Variants in PRKCA observed in about 807,000 individuals in gnomAD.
The protein encoded by PRKCA is protein kinase C alpha type.
In PRKCA, 27 loss-of-function variants were observed where a neutral mutation model predicts 87.0. That is an observed-to-expected ratio of 0.31 (90% CI 0.23 to 0.43). The LOEUF (loss-of-function observed/expected upper bound fraction) is 0.43, where lower values mean the gene tolerates loss of function less well. Ranked by LOEUF, PRKCA falls within the 20% of genes least tolerant of loss-of-function variation. The pLI, the probability that PRKCA is intolerant of heterozygous loss-of-function variation, is 1.00. For missense variants in PRKCA, 518 were observed against 852.3 expected (o/e 0.61, Z 4.88); for synonymous variants, 329 against 311.1 (o/e 1.06, Z -0.61).
intron 2 of PRKCA, among the ~76,000 whole-genome samples, chr17:66,469,538 A>G (rs1915234337): frequency 6.6e-6 from 1 of 152,216 alleles, no homozygotes; most frequent in Non-Finnish European, 1.5e-5. Context: ...TGAGCAATTC[A>G]TTACTATTCT....
At chr17:66,778,067 C>G (rs1179861366) in intron 14 of PRKCA, 2 of 985,296 alleles carry the variant, frequency 2.0e-6, no homozygotes, top group African/African-American at 3.5e-5. Context: ...TTAAAGGTTT[C>G]CCTACTAAGC....
intron 2 of PRKCA, among the ~76,000 whole-genome samples, chr17:66,403,241 C>T (rs975821758): frequency 4.2e-4 from 64 of 152,128 alleles, no homozygotes; most frequent in African/African-American, 1.5e-3. Flanking sequence ...GTTTTAAAAG[C>T]TAAGAAGCTC....
rs182047548 is a variant in PRKCA, at chr17:66,451,347, T to A, written c.206-44854T>A. On this transcript the variant is annotated intron_variant, in intron 2 of 16. Transcript: ENST00000413366. ...ACTTTTAGAATACGGAGTTAGAATT[T>A]ATTTATTTATTTATTTATTTATTTA... Among the ~76,000 whole-genome samples the A allele has an allele frequency of 9.9e-3, 759 of 76,360 alleles. 6 individuals carry two copies. The highest frequency in any genetic ancestry group is 0.031 in the African/African-American group (616 of 19,724). The allele number at this position is 76,360 out of a possible 152,430, so 50.1% of individuals were successfully genotyped here. A position where few individuals can be genotyped will look rare whatever the true frequency, so the allele number is the denominator to read the frequency against.
chr17:66,514,118 C>T (rs1304401850), intron 3 of PRKCA, among the ~76,000 whole-genome samples: 3 of 152,086 alleles, frequency 2.0e-5, no homozygotes, highest in Non-Finnish European at 4.4e-5. Context: ...TGTTATTAAT[C>T]TCTTACTGTG....
chr17:66,485,408 C>T (rs1375691337), intron 2 of PRKCA, among the ~76,000 whole-genome samples: 1 of 152,180 alleles, frequency 6.6e-6, no homozygotes, highest in African/African-American at 2.4e-5. Context: ...TGCCAAGAAG[C>T]AGGACTGTCC....
intron 16 of PRKCA, among the ~76,000 whole-genome samples, chr17:66,790,633 G>A (rs533698167): frequency 3.3e-5 from 5 of 152,276 alleles, no homozygotes; most frequent in African/African-American, 7.2e-5. Context: ...TAGGAACAAC[G>A]TAGAGATGCG....
intron 5 of PRKCA, chr17:66,676,414 C>T (rs2143976092): frequency 6.6e-6 from 1 of 152,460 alleles, no homozygotes; most frequent in Admixed American, 6.5e-5. Flanking sequence ...TGGAAAAACG[C>T]AGCTAGAATA....
intron 3 of PRKCA, among the ~76,000 whole-genome samples, chr17:66,634,919 A>G (rs958066481): frequency 6.6e-6 from 1 of 152,220 alleles, no homozygotes; most frequent in Non-Finnish European, 1.5e-5. Context: ...AAGGGGAGGT[A>G]GACAGAATCA....
intron 3 of PRKCA, among the ~76,000 whole-genome samples, chr17:66,580,773 C>T (rs1969403013): frequency 6.6e-6 from 1 of 152,192 alleles, no homozygotes; most frequent in Non-Finnish European, 1.5e-5. Context: ...CCACCCTGCG[C>T]CCTTCTTGCT....
intron 3 of PRKCA, among the ~76,000 whole-genome samples, chr17:66,578,876 ATC>A (rs547528712): frequency 1.2e-3 from 182 of 152,236 alleles, no homozygotes; most frequent in African/African-American, 4.1e-3. Context: ...GCCGACACTC[ATC>A]TGTTTCGACC....
chr17:66,534,470 AT>A (rs1967693978), intron 3 of PRKCA, among the ~76,000 whole-genome samples: 1 of 152,166 alleles, frequency 6.6e-6, no homozygotes, highest in African/African-American at 2.4e-5. Context: ...GATCAAGACC[AT>A]CCTGGCTAAC....
At chr17:66,370,324 CG>C (rs1335861746) in intron 2 of PRKCA, among the ~76,000 whole-genome samples, 1 of 149,428 alleles carries the variant, frequency 6.7e-6, no homozygotes, top group Non-Finnish European at 1.5e-5. Context: ...CTCTGCCTCC[CG>C]GGTTCAAGCA....
At position 66,782,654 on chromosome 17, in the gene PRKCA, A is replaced by C. The variant is rs537064471; in HGVS notation, c.1606-4213A>C. ...CTGCCCCACCCCCTTCATTTTCAGA[A>C]CTCATCACTGCATATTGTGCAGGCT... On this transcript the variant is annotated intron_variant, in intron 14 of 16. Transcript: ENST00000413366. Among the ~76,000 whole-genome samples, 3 of 152,208 alleles carry C rather than the reference A, an allele frequency of 2.0e-5. No homozygotes were observed. In the South Asian group the frequency reaches 6.2e-4, roughly 32 times the overall value.
In PRKCA at chr17:66,774,045, T is replaced by TGTATGAAATGCTTGCCGGGCAG. The variant is rs1333917277; in HGVS notation, c.1587_1605+3dup. 1.9e-6 allele frequency: 3 copies of TGTATGAAATGCTTGCCGGGCAG among 1,613,978 alleles called. No homozygotes were observed. Among genetic ancestry groups the TGTATGAAATGCTTGCCGGGCAG allele is most frequent in the Admixed American group, 3.3e-5 (2 of 59,978 alleles). The stretch of plus-strand genomic sequence containing the variant: ...GACTGGTGGGCCTATGGCGTCCTGT[T>TGTATGAAATGCTTGCCGGGCAG]GTATGAAATGCTTGCCGGGCAGGTA... On this transcript the variant is annotated frameshift_variant, in exon 14 of 17. Coordinates refer to ENST00000413366, the MANE Select transcript of PRKCA (RefSeq NM_002737.3). LOFTEE classifies it high-confidence loss of function.
At chr17:66,500,662 A>T (rs1916686692) in intron 3 of PRKCA, among the ~76,000 whole-genome samples, 2 of 152,168 alleles carry the variant, frequency 1.3e-5, no homozygotes, top group South Asian at 4.1e-4. Context: ...GAGAAACAAG[A>T]TGTTGGTGGC....
intron 2 of PRKCA, among the ~76,000 whole-genome samples, chr17:66,399,248 T>C (rs1325662138): frequency 1.3e-5 from 2 of 151,948 alleles, no homozygotes; most frequent in Non-Finnish European, 2.9e-5. Context: ...CATGCCCGGC[T>C]AATTTTTGTA....
chr17:66,464,958 A>G (rs1296535984), intron 2 of PRKCA, among the ~76,000 whole-genome samples: 1 of 152,136 alleles, frequency 6.6e-6, no homozygotes, highest in East Asian at 1.9e-4. Flanking sequence ...AAGGTCATCT[A>G]GATCTTTCTC....
intron 3 of PRKCA, among the ~76,000 whole-genome samples, chr17:66,588,514 T>G (rs1226710584): frequency 1.3e-5 from 2 of 152,084 alleles, no homozygotes; most frequent in Non-Finnish European, 2.9e-5. Flanking sequence ...AAGGGTCTAT[T>G]TGTTCTGCTC....
At chr17:66,620,084 A>C (rs935623428) in intron 3 of PRKCA, among the ~76,000 whole-genome samples, 1 of 152,156 alleles carries the variant, frequency 6.6e-6, no homozygotes, top group African/African-American at 2.4e-5. Flanking sequence ...CTCCATACAG[A>C]ATGGGTCATG....
Sources: gnomAD v4.1 joint callset for allele counts (sites outside exome capture counted in the v4.1 genomes callset) on GRCh38, gnomAD v4.1.1 for gene constraint, MANE v1.5 for transcripts, NCBI Gene and HGNC (gene_info 2026-07-23, HGNC 2026-07-21) for gene names.